The following WIPF3 variants were observed in gnomAD, a reference collection of about 807,000 sequenced individuals.
The protein encoded by WIPF3 is WAS/WASL interacting protein family member 3.
In WIPF3, 33 loss-of-function variants were observed where a neutral mutation model predicts 38.9. That is an observed-to-expected ratio of 0.85 (90% CI 0.64 to 1.14). The LOEUF (loss-of-function observed/expected upper bound fraction) is 1.14, where lower values mean the gene tolerates loss of function less well. Among genes scored for constraint, WIPF3 ranks in the 50% most tolerant of loss-of-function variants. The pLI, the probability that WIPF3 is intolerant of heterozygous loss-of-function variation, is 0.00. For synonymous variants in WIPF3, 324 were observed against 269.3 expected, an observed-to-expected ratio of 1.20 and a Z score of -1.99; for missense variants, 711 against 652.5, an observed-to-expected ratio of 1.09 and a Z score of -0.98.
chr7:29,915,513 A>T lies in WIPF3; in HGVS notation c.*997A>T, dbSNP rs1430386360. On this transcript the variant is annotated 3_prime_UTR_variant, in exon 9 of 9. Coordinates refer to ENST00000242140, the MANE Select transcript of WIPF3 (RefSeq NM_001080529.3). ...CCTAGTGCCTCACTGCCCCCATCTT[A>T]GGATCCTTGGAGCCACCCGTCAGGC... The T allele has an allele frequency of 6.6e-6, 1 of 152,184 alleles. No homozygotes were observed. The highest frequency in any genetic ancestry group is 2.4e-5 in the African/African-American group (1 of 41,442). The allele number at this position is 152,184 out of a possible 1,614,324, so 9.4% of individuals were successfully genotyped here.
intron 1 of WIPF3, among the ~76,000 whole-genome samples, chr7:29,817,342 T>C (rs1233160648): frequency 6.6e-6 from 1 of 152,166 alleles, no homozygotes; most frequent in African/African-American, 2.4e-5. Context: ...GGGCTTTATT[T>C]AATGTGGTTT....
chr7:29,852,853 C>G (rs1785125534), intron 2 of WIPF3, among the ~76,000 whole-genome samples: 1 of 152,122 alleles, frequency 6.6e-6, no homozygotes, highest in African/African-American at 2.4e-5. Flanking sequence ...GAGACTTTTC[C>G]ACAGCAATTA....
At chr7:29,894,015 A>G (rs1786080784) in intron 7 of WIPF3, among the ~76,000 whole-genome samples, 1 of 152,226 alleles carries the variant, frequency 6.6e-6, no homozygotes, top group South Asian at 2.1e-4. Context: ...ACATAAATGA[A>G]TCGGCATGGC....
intron 6 of WIPF3, among the ~76,000 whole-genome samples, chr7:29,888,486 T>C (rs1785932351): frequency 7.4e-6 from 1 of 134,350 alleles, no homozygotes; most frequent in East Asian, 2.0e-4. Flanking sequence ...ACTGTGTGAG[T>C]GTGTGTGCGT....
intron 2 of WIPF3, among the ~76,000 whole-genome samples, chr7:29,851,871 C>T (rs1238798605): frequency 6.6e-6 from 1 of 152,148 alleles, no homozygotes; most frequent in Admixed American, 6.5e-5. Flanking sequence ...GAGGTTTGAG[C>T]GTGCTATTGA....
intron 2 of WIPF3, among the ~76,000 whole-genome samples, chr7:29,836,704 T>A (rs190784187): frequency 3.9e-5 from 6 of 152,346 alleles, no homozygotes; most frequent in Non-Finnish European, 7.3e-5. Flanking sequence ...AAAACTTACA[T>A]CTGGCGGGGC....
At chr7:29,818,187 C>T (rs1583589408) in intron 1 of WIPF3, among the ~76,000 whole-genome samples, 1 of 152,104 alleles carries the variant, frequency 6.6e-6, no homozygotes, top group Non-Finnish European at 1.5e-5. Context: ...CACAGTGGCT[C>T]AAGCCTGTAA....
At chr7:29,838,944 A>G (rs1029118759) in intron 2 of WIPF3, among the ~76,000 whole-genome samples, 1 of 152,248 alleles carries the variant, frequency 6.6e-6, no homozygotes. Context: ...ACAAAAGAAT[A>G]CATGCTGTAT....
chr7:29,854,654 C>A (rs149765930), intron 2 of WIPF3, among the ~76,000 whole-genome samples: 1 of 152,298 alleles, frequency 6.6e-6, no homozygotes, highest in Non-Finnish European at 1.5e-5. Flanking sequence ...TGATAAATGT[C>A]AGAGGCACCC....
intron 2 of WIPF3, among the ~76,000 whole-genome samples, chr7:29,859,993 T>C (rs1193295576): frequency 6.6e-6 from 1 of 152,046 alleles, no homozygotes; most frequent in African/African-American, 2.4e-5. Flanking sequence ...GGACAGGGAA[T>C]GGAGAACTAG....
chr7:29,883,142 G>A (rs1785758465), intron 4 of WIPF3, among the ~76,000 whole-genome samples: 2 of 152,170 alleles, frequency 1.3e-5, no homozygotes, highest in African/African-American at 4.8e-5. Context: ...TTTAAAAGAG[G>A]AATTGAATTT....
At chr7:29,820,310 G>A (rs1403004913) in intron 1 of WIPF3, among the ~76,000 whole-genome samples, 12 of 152,002 alleles carry the variant, frequency 7.9e-5, no homozygotes, top group Admixed American at 7.9e-4. Flanking sequence ...TTCAAATCAG[G>A]TGTGTATCTT....
intron 1 of WIPF3, among the ~76,000 whole-genome samples, chr7:29,816,098 A>G (rs1037587082): frequency 6.6e-6 from 1 of 152,236 alleles, no homozygotes; most frequent in Non-Finnish European, 1.5e-5. Context: ...TTTTAAAAAT[A>G]CTTCTTCACA....
intron 2 of WIPF3, among the ~76,000 whole-genome samples, chr7:29,851,109 A>G (rs953789874): frequency 2.0e-5 from 3 of 152,160 alleles, no homozygotes; most frequent in African/African-American, 4.8e-5. Flanking sequence ...CTGGAAATAC[A>G]GCAAACCCTC....
At chr7:29,907,561 TGGGGAGGTGATAAACCATGA>T (rs779472046) in intron 8 of WIPF3, among the ~76,000 whole-genome samples, 65 of 152,196 alleles carry the variant, frequency 4.3e-4, no homozygotes, top group Non-Finnish European at 7.9e-4. Context: ...GTTGGGCCTT[TGGGGAGGTGATAAACCATGA>T]GGGCAGAGCC....
chr7:29,862,580 G>T (rs1415139615), intron 2 of WIPF3, among the ~76,000 whole-genome samples: 1 of 152,216 alleles, frequency 6.6e-6, no homozygotes, highest in African/African-American at 2.4e-5. Flanking sequence ...TGTGCAAAGA[G>T]TCGGCAGTGA....
At chr7:29,819,209 T>C (rs978599459) in intron 1 of WIPF3, among the ~76,000 whole-genome samples, 1 of 152,110 alleles carries the variant, frequency 6.6e-6, no homozygotes, top group African/African-American at 2.4e-5. Flanking sequence ...ATTTCTTCTC[T>C]TTAGATGTTC....
At chr7:29,849,624 G>C (rs114665658) in intron 2 of WIPF3, among the ~76,000 whole-genome samples, 1 of 152,194 alleles carries the variant, frequency 6.6e-6, no homozygotes, top group East Asian at 1.9e-4. Context: ...AAGGTGGTGA[G>C]GGGGAAGGAG....
At chr7:29,837,172 G>A (rs576887637) in intron 2 of WIPF3, among the ~76,000 whole-genome samples, 52 of 151,976 alleles carry the variant, frequency 3.4e-4, no homozygotes, top group Non-Finnish European at 5.7e-4. Context: ...TGGCTAACAC[G>A]GTGAAACCCC....
Sources: allele counts gnomAD v4.1 joint callset (sites outside exome capture counted in the v4.1 genomes callset), GRCh38; gene constraint gnomAD v4.1.1; transcripts MANE v1.5; gene names NCBI Gene and HGNC (gene_info 2026-07-23, HGNC 2026-07-21).